CRTAM: variants seen among roughly 807,000 people sequenced by gnomAD.
CRTAM encodes cytotoxic and regulatory T-cell molecule.
Under a neutral mutation model 50.0 loss-of-function variants are expected in CRTAM, and 44 were observed. The ratio of observed to expected loss-of-function variants is 0.88; its 90% confidence interval spans 0.69 to 1.13. The LOEUF (loss-of-function observed/expected upper bound fraction) is 1.13. Ranked by LOEUF, CRTAM falls within the 50% of genes most tolerant of loss-of-function variation. The pLI, the probability that CRTAM is intolerant of heterozygous loss-of-function variation, is 0.00. For synonymous variants in CRTAM, 159 were observed against 169.3 expected (o/e 0.94, Z 0.47); for missense variants, 448 against 457.5 (o/e 0.98, Z 0.19).
At chr11:122,861,170 T>C (rs1289694024) in intron 5 of CRTAM, among the ~76,000 whole-genome samples, 3 of 152,008 alleles carry the variant, frequency 2.0e-5, no homozygotes, top group South Asian at 2.1e-4. Flanking sequence ...GTTTCCTTAG[T>C]AATTCTTTCT....
intron 5 of CRTAM, among the ~76,000 whole-genome samples, chr11:122,860,000 T>C (rs1024797270): frequency 1.2e-4 from 19 of 152,226 alleles, no homozygotes; most frequent in African/African-American, 4.6e-4. Flanking sequence ...CAGTGGTGGA[T>C]ACAAGTTGTC....
intron 5 of CRTAM, 165 bp from the exon 6 acceptor site, chr11:122,862,299 A>T: frequency 1.6e-6 from 1 of 612,282 alleles, no homozygotes; most frequent in Non-Finnish European, 2.9e-6. Context: ...TGGGATACAG[A>T]TTCAAAAACC....
At chr11:122,838,889 C>CA (rs1861764932) in intron 1 of CRTAM, among the ~76,000 whole-genome samples, 1 of 151,964 alleles carries the variant, frequency 6.6e-6, no homozygotes, top group African/African-American at 2.4e-5. Flanking sequence ...TAAGGGCATA[C>CA]CAGTTGAAAG....
chr11:122,839,624 G>A (rs1283835947), intron 1 of CRTAM, among the ~76,000 whole-genome samples: 1 of 152,176 alleles, frequency 6.6e-6, no homozygotes, highest in Non-Finnish European at 1.5e-5. Flanking sequence ...GTGGGGGCAG[G>A]GGTGTAGGAA....
At chr11:122,858,877 T>A (rs1565291056) in intron 5 of CRTAM, among the ~76,000 whole-genome samples, 2 of 152,168 alleles carry the variant, frequency 1.3e-5, no homozygotes, top group Non-Finnish European at 2.9e-5. Flanking sequence ...TTTCTATTAC[T>A]TACCTGGGGA....
chr11:122,847,345 C>G (rs935663746), intron 1 of CRTAM, among the ~76,000 whole-genome samples: 6 of 152,118 alleles, frequency 3.9e-5, no homozygotes, highest in Non-Finnish European at 8.8e-5. Flanking sequence ...TCAGATGGTA[C>G]AAAGCCTAGG....
chr11:122,858,350 G>A (rs903506175), intron 5 of CRTAM, among the ~76,000 whole-genome samples: 91 of 151,764 alleles, frequency 6.0e-4, no homozygotes, highest in African/African-American at 2.1e-3. Flanking sequence ...CTCAGCCTCC[G>A]GGGTGGCTGG....
intron 1 of CRTAM, among the ~76,000 whole-genome samples, chr11:122,847,229 C>A (rs952811314): frequency 2.0e-5 from 3 of 152,106 alleles, no homozygotes; most frequent in African/African-American, 7.2e-5. Context: ...GCCAGGATTC[C>A]AACCCAGTCA....
At chr11:122,851,121 TG>T (rs1211875792) in intron 2 of CRTAM, among the ~76,000 whole-genome samples, 3 of 151,998 alleles carry the variant, frequency 2.0e-5, no homozygotes, top group Non-Finnish European at 2.9e-5. Context: ...AAAAATTAGC[TG>T]GGCGTGGTGG....
intron 6 of CRTAM, among the ~76,000 whole-genome samples, chr11:122,863,897 T>C (rs1862132481): frequency 6.6e-6 from 1 of 151,992 alleles, no homozygotes; most frequent in South Asian, 2.1e-4. Flanking sequence ...TTCATTCCCC[T>C]CGGGGTCCAC....
intron 7 of CRTAM, among the ~76,000 whole-genome samples, chr11:122,865,034 T>C (rs1463604384): frequency 6.6e-6 from 1 of 151,938 alleles, no homozygotes; most frequent in African/African-American, 2.4e-5. Context: ...CTTTTTTTTA[T>C]ATATATATAT....
Position 122,854,048 on chromosome 11 carries a change from A to G in CRTAM, c.452A>G (p.Gln151Arg). 6.2e-7 allele frequency: 1 copy of G among 1,614,126 alleles called. No homozygotes were observed. Among genetic ancestry groups the G allele is most frequent in the South Asian group, 1.1e-5 (1 of 91,060 alleles). ...CSTMRSKPPP[Q>R]ITWLLGNSME... ...ACCATGAGAAGCAAGCCCCCTCCGC[A>G]GATAACCTGGCTACTTGGGAATAGC... is the stretch of plus-strand genomic sequence containing the variant. Residue 151 changes from glutamine (Q) to arginine (R), a missense_variant, in exon 4 of 10, where the codon CAG (glutamine) becomes CGG (arginine). By Grantham distance (43) the Gln-to-Arg change is conservative. Coordinates refer to ENST00000227348, the MANE Select transcript of CRTAM (RefSeq NM_019604.4).
chr11:122,870,805 G>A (rs976998277), intron 9 of CRTAM, among the ~76,000 whole-genome samples: 1 of 152,208 alleles, frequency 6.6e-6, no homozygotes, highest in African/African-American at 2.4e-5. Context: ...ATAGGCCAGT[G>A]CAGTGGCTTA....
chr11:122,863,319 G>C (rs954302792), intron 6 of CRTAM, among the ~76,000 whole-genome samples: 1 of 94,358 alleles, frequency 1.1e-5, no homozygotes, highest in Non-Finnish European at 2.1e-5. Flanking sequence ...AAGAAAGAAA[G>C]AAAAAGAAAG....
chr11:122,863,748 C>A (rs970340016), intron 6 of CRTAM, among the ~76,000 whole-genome samples: 3 of 152,136 alleles, frequency 2.0e-5, no homozygotes, highest in African/African-American at 7.2e-5. Flanking sequence ...TCTTTAACGG[C>A]TTGCTACTGA....
At chr11:122,869,789 A>G (rs1313625976) in intron 9 of CRTAM, among the ~76,000 whole-genome samples, 1 of 152,150 alleles carries the variant, frequency 6.6e-6, no homozygotes, top group Non-Finnish European at 1.5e-5. Context: ...GAATGAATAG[A>G]TGTACTAGCT....
intron 6 of CRTAM, among the ~76,000 whole-genome samples, chr11:122,863,988 T>TG (rs1255590829): frequency 6.6e-6 from 1 of 151,920 alleles, no homozygotes; most frequent in African/African-American, 2.4e-5. Context: ...CAGTAAAATC[T>TG]GGAAAAAAAA....
intron 5 of CRTAM, among the ~76,000 whole-genome samples, chr11:122,859,194 C>T (rs536096402): frequency 2.6e-5 from 4 of 151,950 alleles, no homozygotes; most frequent in African/African-American, 4.8e-5. Flanking sequence ...CTGCAACTTC[C>T]GCCTCCTGGG....
rs1309742325 is a variant in CRTAM at position 122,838,550 on chromosome 11, T to C, written c.4T>C (p.Trp2Arg). The C allele has an allele frequency of 6.2e-7, 1 of 1,614,118 alleles. No individual in the cohort carries two copies. Among genetic ancestry groups the C allele is most frequent in the South Asian group, 1.1e-5 (1 of 91,078 alleles). The change falls in exon 1 of 10, where the codon TGG (tryptophan) becomes CGG (arginine). Residue 2 changes from tryptophan to arginine, a missense_variant. Coordinates refer to ENST00000227348, the MANE Select transcript of CRTAM (RefSeq NM_019604.4). M[W>R]WRVLSLLAWF... ...TGCCACAGCAGCACAGCACAGTATG[T>C]GGTGGAGAGTTCTCAGCTTGCTGGC...
Sources: allele counts gnomAD v4.1 joint callset (sites outside exome capture counted in the v4.1 genomes callset), GRCh38; gene constraint gnomAD v4.1.1; transcripts MANE v1.5; gene names NCBI Gene and HGNC (gene_info 2026-07-23, HGNC 2026-07-21).